RIMS2: variants seen among roughly 807,000 people sequenced by gnomAD.
The protein encoded by RIMS2 is regulating synaptic membrane exocytosis protein 2.
In RIMS2, 59 loss-of-function variants were observed where a neutral mutation model predicts 174.4. That is an observed-to-expected ratio of 0.34 (90% CI 0.27 to 0.42). The LOEUF (loss-of-function observed/expected upper bound fraction) is 0.42. RIMS2 is among the 10% of genes least tolerant of loss of function. The probability of loss-of-function intolerance (pLI) is 1.00; values close to 1 mark genes in which losing one functional copy is unlikely to be tolerated. For synonymous variants in RIMS2, 606 were observed against 572.5 expected (o/e 1.06, Z -0.84); for missense variants, 1,620 against 1,666.3 (o/e 0.97, Z 0.48).
chr8:104,168,815 T>C (rs2879853), intron 19 of RIMS2, among the ~76,000 whole-genome samples: 65,110 of 151,858 alleles, frequency 0.43, 14,384 homozygotes, highest in East Asian at 0.6. Context: ...TTTTGAGGTA[T>C]GTCACTTTTA....
intron 3 of RIMS2, among the ~76,000 whole-genome samples, chr8:103,782,583 C>T (rs1426105964): frequency 1.3e-5 from 2 of 151,768 alleles, no homozygotes; most frequent in African/African-American, 4.8e-5. Flanking sequence ...GCGATATGAC[C>T]CACTAGAAAG....
intron 6 of RIMS2, among the ~76,000 whole-genome samples, chr8:103,914,917 G>A (rs2076375455): frequency 6.6e-6 from 1 of 152,020 alleles, no homozygotes; most frequent in African/African-American, 2.4e-5. Context: ...TTTTCTAAAA[G>A]TTATATTTTA....
At chr8:103,837,033 C>G (rs1162123371) in intron 3 of RIMS2, among the ~76,000 whole-genome samples, 1 of 152,188 alleles carries the variant, frequency 6.6e-6, no homozygotes, top group East Asian at 1.9e-4. Flanking sequence ...AAAGAAGATT[C>G]ATTACTTTAT....
intron 19 of RIMS2, among the ~76,000 whole-genome samples, chr8:104,187,544 A>C (rs1453980415): frequency 2.6e-5 from 4 of 151,678 alleles, no homozygotes; most frequent in Non-Finnish European, 5.9e-5. Flanking sequence ...ATGTGACTCT[A>C]TTTTTGTTTA....
chr8:104,198,354 A>G (rs2099036509), intron 19 of RIMS2, among the ~76,000 whole-genome samples: 1 of 152,250 alleles, frequency 6.6e-6, no homozygotes, highest in African/African-American at 2.4e-5. Flanking sequence ...AAGACCAGAG[A>G]GAATATTTTC....
At chr8:103,680,304 T>C (rs1359772243) in intron 1 of RIMS2, among the ~76,000 whole-genome samples, 1 of 152,046 alleles carries the variant, frequency 6.6e-6, no homozygotes, top group Non-Finnish European at 1.5e-5. Context: ...TAGTATATGA[T>C]GCTTGGAATA....
intron 3 of RIMS2, among the ~76,000 whole-genome samples, chr8:103,868,173 C>T (rs926579587): frequency 7.9e-5 from 12 of 151,858 alleles, no homozygotes; most frequent in Non-Finnish European, 5.9e-5. Context: ...TGGTTGGATA[C>T]GTATACATAA....
intron 3 of RIMS2, among the ~76,000 whole-genome samples, chr8:103,802,702 C>T (rs1478911995): frequency 6.6e-6 from 1 of 152,058 alleles, no homozygotes; most frequent in Non-Finnish European, 1.5e-5. Context: ...TAAGACAGGC[C>T]TGGGATGAAC....
At chr8:104,159,484 G>C (rs2098747349) in intron 19 of RIMS2, among the ~76,000 whole-genome samples, 1 of 152,092 alleles carries the variant, frequency 6.6e-6, no homozygotes, top group South Asian at 2.1e-4. Context: ...AATTACCTTG[G>C]GCAGGCCATA....
At chr8:103,751,723 T>A (rs1007451990) in intron 2 of RIMS2, among the ~76,000 whole-genome samples, 1 of 151,122 alleles carries the variant, frequency 6.6e-6, no homozygotes, top group Non-Finnish European at 1.5e-5. Flanking sequence ...TTTCATGTGT[T>A]TTTTGGCTGC....
chr8:104,065,248 T>C (rs1023929297), intron 19 of RIMS2, among the ~76,000 whole-genome samples: 1 of 152,088 alleles, frequency 6.6e-6, no homozygotes, highest in African/African-American at 2.4e-5. Flanking sequence ...CTTTCATTTA[T>C]TTTCCTTTTA....
chr8:104,224,072 G>A (rs928463952), intron 19 of RIMS2, among the ~76,000 whole-genome samples: 1 of 152,242 alleles, frequency 6.6e-6, no homozygotes, highest in Non-Finnish European at 1.5e-5. Context: ...AAACTGGTGG[G>A]AGGCAAGGCG....
intron 19 of RIMS2, among the ~76,000 whole-genome samples, chr8:104,117,693 C>A (rs1328789687): frequency 1.3e-5 from 2 of 152,078 alleles, no homozygotes; most frequent in African/African-American, 4.8e-5. Context: ...GCAAAATAAT[C>A]TTTACATTTT....
chr8:104,230,125 C>T (rs887963138), intron 19 of RIMS2, among the ~76,000 whole-genome samples: 11 of 151,784 alleles, frequency 7.2e-5, no homozygotes, highest in African/African-American at 2.7e-4. Flanking sequence ...ACTAAAAATA[C>T]AAAATCAGCC....
At chr8:103,763,681 G>A (rs2098136724) in intron 2 of RIMS2, among the ~76,000 whole-genome samples, 1 of 152,082 alleles carries the variant, frequency 6.6e-6, no homozygotes, top group Non-Finnish European at 1.5e-5. Context: ...AGTCTTTAAT[G>A]GGAATCAGAC....
At chr8:103,871,385 C>T (rs2099110793) in intron 3 of RIMS2, among the ~76,000 whole-genome samples, 1 of 152,162 alleles carries the variant, frequency 6.6e-6, no homozygotes, top group Non-Finnish European at 1.5e-5. Flanking sequence ...CAGAGCAAGA[C>T]TCTGTCTAAA....
At chr8:103,608,698 C>T (rs2095248300) in intron 1 of RIMS2, among the ~76,000 whole-genome samples, 1 of 152,042 alleles carries the variant, frequency 6.6e-6, no homozygotes, top group African/African-American at 2.4e-5. Flanking sequence ...TCATGGTGCG[C>T]CGTTTTTTAA....
chr8:103,582,851 C>A (rs572033181), intron 1 of RIMS2, among the ~76,000 whole-genome samples: 1 of 152,284 alleles, frequency 6.6e-6, no homozygotes, highest in South Asian at 2.1e-4. Flanking sequence ...CCACCTGGGG[C>A]CTGGGGGACC....
intron 19 of RIMS2, among the ~76,000 whole-genome samples, chr8:104,100,950 T>TATACATG (rs2097869732): frequency 7.6e-6 from 1 of 131,136 alleles, no homozygotes; most frequent in Non-Finnish European, 1.6e-5. Context: ...TATTATATAG[T>TATACATG]ATATATGATA....
Sources: allele counts gnomAD v4.1 joint callset (sites outside exome capture counted in the v4.1 genomes callset), GRCh38; gene constraint gnomAD v4.1.1; transcripts MANE v1.5; gene names NCBI Gene and HGNC (gene_info 2026-07-23, HGNC 2026-07-21).